Variants in SENP2 observed in about 807,000 individuals in gnomAD.
SENP2 encodes the protein SUMO specific peptidase 2.
SENP2 carries 16 observed loss-of-function variants against 86.3 expected under a neutral mutation model. The observed-to-expected ratio is 0.19, with a 90% CI of 0.13 to 0.28. SENP2 has a LOEUF of 0.28. SENP2 is among the 10% of genes least tolerant of loss of function. The pLI, the probability that SENP2 is intolerant of heterozygous loss-of-function variation, is 1.00. For synonymous variants in SENP2, 222 were observed against 238.7 expected (o/e 0.93, Z 0.64); for missense variants, 552 against 703.0 (o/e 0.79, Z 2.43).
At chr3:185,610,382 G>A (rs1722648819) in intron 7 of SENP2, among the ~76,000 whole-genome samples, 1 of 151,906 alleles carries the variant, frequency 6.6e-6, no homozygotes, top group Non-Finnish European at 1.5e-5. Context: ...GGCCGGTCTC[G>A]AACACCTGAT....
At chr3:185,628,772 C>T (rs1216961007) in intron 16 of SENP2, among the ~76,000 whole-genome samples, 4 of 152,204 alleles carry the variant, frequency 2.6e-5, no homozygotes, top group Admixed American at 6.5e-5. Flanking sequence ...TCCCAAAGTG[C>T]TGGGATTACA....
At chr3:185,624,674 G>A (rs750345133) in intron 15 of SENP2, among the ~76,000 whole-genome samples, 5 of 152,076 alleles carry the variant, frequency 3.3e-5, no homozygotes, top group Non-Finnish European at 7.4e-5. Flanking sequence ...TCAGGAATTT[G>A]AGACCAGCCT....
intron 1 of SENP2, among the ~76,000 whole-genome samples, chr3:185,587,294 G>C (rs1369857497): frequency 6.6e-6 from 1 of 151,874 alleles, no homozygotes; most frequent in Non-Finnish European, 1.5e-5. Context: ...CACCACGCCT[G>C]GCTAATTTTT....
At chr3:185,620,766 A>G (rs1711830352) in intron 13 of SENP2, among the ~76,000 whole-genome samples, 1 of 151,962 alleles carries the variant, frequency 6.6e-6, no homozygotes, top group African/African-American at 2.4e-5. Context: ...TTTTAACAGG[A>G]AAGAGTCTTA....
At chr3:185,609,677 C>T (rs1341211029) in intron 7 of SENP2, among the ~76,000 whole-genome samples, 1 of 151,986 alleles carries the variant, frequency 6.6e-6, no homozygotes, top group African/African-American at 2.4e-5. Context: ...CCCACAATCT[C>T]TCTCTCTACC....
chr3:185,606,956 A>G (rs1462976367), intron 6 of SENP2: 7 of 308,484 alleles, frequency 2.3e-5, no homozygotes, highest in Admixed American at 1.9e-4. Context: ...AGCAAATAAT[A>G]TATCTACTAT....
At position 185,619,449 on chromosome 3, in the gene SENP2, G is replaced by A. The variant is rs756265500; in HGVS notation, c.1393G>A (p.Glu465Lys). ...KRWTKGVNLF[E>K]QEIILVPIHR... ...ATGGACCAAAGGGGTAAATCTCTTT[G>A]AACAAGAAATTATTCTGGTGCCTAT... Residue 465 changes from glutamate (E) to lysine (K), a missense_variant, in exon 13 of 17, where the codon GAA (glutamate) becomes AAA (lysine). Physicochemically the swap from Glu to Lys is moderately conservative, Grantham distance 56. Coordinates refer to ENST00000296257, the MANE Select transcript of SENP2 (RefSeq NM_021627.3). 3.7e-6 allele frequency: 6 copies of A among 1,614,064 alleles called. No homozygotes were observed. The highest frequency in any genetic ancestry group is 2.2e-5 in the East Asian group (1 of 44,868).
chr3:185,624,203 T>C, intron 15 of SENP2, 121 bp downstream of exon 15: 1 of 611,104 alleles, frequency 1.6e-6, no homozygotes, highest in Non-Finnish European at 2.8e-6. Context: ...ACACATCTTT[T>C]TTTTTCTTTC....
In SENP2 at chr3:185,629,891, C is replaced by T. The variant is rs751551172; in HGVS notation, c.*47C>T. The T allele has an allele frequency of 3.2e-6, 5 of 1,563,794 alleles. No individual in the cohort carries two copies. The South Asian group carries it at 3.3e-5, about 10-fold the overall frequency. The stretch of plus-strand genomic sequence containing the variant: ...TAGCTGCTGGTGGTTCTTTCACAGA[C>T]ATTTCCATATACCTCATGCATTGTG... On this transcript the variant is annotated 3_prime_UTR_variant, in exon 17 of 17. Transcript: ENST00000296257.
At chr3:185,608,565 G>GGAAATTTT (rs1168706467) in intron 6 of SENP2, among the ~76,000 whole-genome samples, 1 of 152,124 alleles carries the variant, frequency 6.6e-6, no homozygotes, top group African/African-American at 2.4e-5. Context: ...TATATGTGAT[G>GGAAATTTT]GAAATTTTGA....
intron 11 of SENP2, among the ~76,000 whole-genome samples, chr3:185,615,578 A>G (rs1487992919): frequency 3.9e-5 from 6 of 152,062 alleles, no homozygotes; most frequent in African/African-American, 1.4e-4. Flanking sequence ...TCCTGACCTT[A>G]GATGATCTAC....
Position 185,624,025 on chromosome 3 carries a change from C to G in SENP2, c.1554C>G (p.Thr518=), listed in dbSNP as rs376152151. The G allele has an allele frequency of 1.9e-6, 3 of 1,611,008 alleles. No individual in the cohort carries two copies. The African/African-American group carries it at 4.0e-5, about 22-fold the overall frequency. Residue 518 remains threonine (T), a synonymous_variant, in exon 15 of 17, where the codon ACC becomes ACG. Coordinates refer to ENST00000296257, the MANE Select transcript of SENP2 (RefSeq NM_021627.3). ...LLQYLQDESK[T]KRNSDLNLLE... is the part of the protein sequence containing the mutation. ...AGTATTTACAGGATGAAAGTAAGACCAAAAGAAATAGTGATCTGAATCTTT... is the reference window on the plus strand; with the variant it reads ...AGTATTTACAGGATGAAAGTAAGACGAAAAGAAATAGTGATCTGAATCTTT...
At chr3:185,607,763 C>T (rs1000156015) in intron 6 of SENP2, among the ~76,000 whole-genome samples, 45 of 151,586 alleles carry the variant, frequency 3.0e-4, no homozygotes, top group African/African-American at 1.1e-3. Context: ...TGGGCTCAAG[C>T]GATCCTCCAG....
chr3:185,592,011 C>CTTTTTT lies in SENP2; in HGVS notation c.157+1860_157+1865dup, dbSNP rs149268515. Among the ~76,000 whole-genome samples the CTTTTTT allele has an allele frequency of 2.7e-3, 176 of 65,776 alleles. 16 individuals carry two copies. Among genetic ancestry groups the CTTTTTT allele is most frequent in the African/African-American group, 4.8e-3 (83 of 17,374 alleles). 43.2% of individuals were successfully genotyped at this position (65,776 alleles called of 152,430 possible). On this transcript the variant is annotated intron_variant, in intron 2 of 16. Transcript: ENST00000296257. ...CTGTCTTTAAGAACCGGTAATATTT[C>CTTTTTT]TTTTTTTTTTTTTTTTTTTTTTTGA...
In SENP2 at chr3:185,603,894, G is replaced by A. The variant is rs1055253738; in HGVS notation, c.450-2436G>A. On this transcript the variant is annotated intron_variant, in intron 5 of 16. Coordinates refer to ENST00000296257, the MANE Select transcript of SENP2 (RefSeq NM_021627.3). ...CCCAGCACTTTGGGAGGCTGAGGTG[G>A]GCAGATCACTTGAGGCCAGGAGTTT... is the stretch of plus-strand genomic sequence containing the variant. Among the ~76,000 whole-genome samples, 7 of 152,186 alleles carry A rather than the reference G, an allele frequency of 4.6e-5. No individual in the cohort carries two copies. The East Asian group carries it at 9.7e-4, about 21-fold the overall frequency.
intron 2 of SENP2, among the ~76,000 whole-genome samples, chr3:185,594,408 T>C (rs1343690206): frequency 6.6e-6 from 1 of 152,178 alleles, no homozygotes; most frequent in African/African-American, 2.4e-5. Flanking sequence ...CCTGCAGTGA[T>C]AACTGTTGAG....
At chr3:185,626,447 T>C in intron 16 of SENP2, 54 bp downstream of exon 16, 1 of 1,238,242 alleles carries the variant, frequency 8.1e-7, no homozygotes, top group Non-Finnish European at 1.2e-6. Context: ...GATAAGGCAC[T>C]TGGCCAGTGC....
chr3:185,609,357 G>A lies in SENP2; in HGVS notation c.722+7G>A, dbSNP rs1230997836. The A allele has an allele frequency of 6.3e-7, 1 of 1,580,552 alleles. No homozygotes were observed. Among genetic ancestry groups the A allele is most frequent in the South Asian group, 1.1e-5 (1 of 90,056 alleles). ...TAACTTCAAATTATCACAGGTGACA[G>A]TGAGCTAACAGATAATGCTTTGCTA... is the stretch of plus-strand genomic sequence containing the variant. On this transcript the variant is annotated splice_region_variant and intron_variant, in intron 7 of 16. Transcript: ENST00000296257.
At chr3:185,592,697 A>C (rs1484580395) in intron 2 of SENP2, among the ~76,000 whole-genome samples, 7 of 149,880 alleles carry the variant, frequency 4.7e-5, no homozygotes. Flanking sequence ...GCCCACTGCA[A>C]CCTCCGCCTC....
Sources: gnomAD v4.1 joint callset for allele counts (sites outside exome capture counted in the v4.1 genomes callset) on GRCh38, gnomAD v4.1.1 for gene constraint, MANE v1.5 for transcripts, NCBI Gene and HGNC (gene_info 2026-07-23, HGNC 2026-07-21) for gene names.